PDE3B: variants seen among roughly 807,000 people sequenced by gnomAD.
The protein encoded by PDE3B is cGMP-inhibited 3',5'-cyclic phosphodiesterase 3B.
PDE3B carries 66 observed loss-of-function variants against 116.8 expected under a neutral mutation model. The observed-to-expected ratio is 0.56, with a 90% CI of 0.46 to 0.69. PDE3B has a LOEUF of 0.69. Among genes scored for constraint, PDE3B ranks in the 30% least tolerant of loss-of-function variants. The pLI is 0.00. For missense variants in PDE3B, 1,384 were observed against 1,368.1 expected (o/e 1.01, Z -0.18); for synonymous variants, 595 against 533.6 (o/e 1.12, Z -1.59).
chr11:14,828,431 G>A (rs1255197015), intron 7 of PDE3B, among the ~76,000 whole-genome samples: 1 of 152,084 alleles, frequency 6.6e-6, no homozygotes, highest in Non-Finnish European at 1.5e-5. Context: ...TCTGATAAAG[G>A]CCTAATATCC....
chr11:14,877,630 A>G, the PDE3B span: 1 of 152,376 alleles, frequency 6.6e-6, no homozygotes, highest in South Asian at 2.1e-4. Context: ...ACCATCTCCC[A>G]CCATATCTAA....
rs148970728 is a variant in PDE3B at position 14,746,123 on chromosome 11, C to T, written c.979-25814C>T. 1.7e-3 allele frequency among the ~76,000 whole-genome samples: 264 copies of T among 152,310 alleles called. 1 individual carries two copies. Among genetic ancestry groups the T allele is most frequent in the Middle Eastern group, 3.4e-3 (1 of 294 alleles). Reference sequence around the variant, plus strand: ...AGAGCCTGTCTTGGCCAGGTGCCACCGCACTCATGCCTGTAATCCCCTCAC... The same window carrying T: ...AGAGCCTGTCTTGGCCAGGTGCCACTGCACTCATGCCTGTAATCCCCTCAC... On this transcript the variant is annotated intron_variant, in intron 1 of 15. Coordinates refer to ENST00000282096, the MANE Select transcript of PDE3B (RefSeq NM_000922.4).
chr11:14,666,853 G>A (rs371618995), intron 1 of PDE3B, among the ~76,000 whole-genome samples: 53 of 152,210 alleles, frequency 3.5e-4, no homozygotes, highest in South Asian at 6.2e-4. Context: ...AAACTAGTTC[G>A]ACCATTGTGG....
At chr11:14,705,761 A>G (rs1855512968) in intron 1 of PDE3B, among the ~76,000 whole-genome samples, 1 of 151,796 alleles carries the variant, frequency 6.6e-6, no homozygotes, top group Admixed American at 6.6e-5. Context: ...GGTATTTACT[A>G]TGGAGGAAGT....
intron 1 of PDE3B, among the ~76,000 whole-genome samples, chr11:14,675,654 C>T (rs1854511193): frequency 6.6e-6 from 1 of 152,094 alleles, no homozygotes; most frequent in Admixed American, 6.6e-5. Context: ...ACTTCATATA[C>T]TGTCCTGTAA....
the PDE3B span, chr11:14,879,559 A>G: frequency 4.5e-5 from 32 of 703,654 alleles, no homozygotes; most frequent in Admixed American, 4.8e-4. Flanking sequence ...ATATAGATAC[A>G]TCCAGATTCA....
At chr11:14,773,566 A>G (rs1382654135) in intron 2 of PDE3B, 1 of 152,090 alleles carries the variant, frequency 6.6e-6, no homozygotes, top group East Asian at 1.9e-4. Context: ...TCCTCCTTTA[A>G]TGTTTGGAAG....
chr11:14,666,841 G>C (rs1854169482), intron 1 of PDE3B, among the ~76,000 whole-genome samples: 1 of 152,330 alleles, frequency 6.6e-6, no homozygotes, highest in Admixed American at 6.5e-5. Context: ...TGGTGGGACT[G>C]TAAACTAGTT....
At position 14,819,199 on chromosome 11, in the gene PDE3B, T is replaced by A. The variant is rs1272263840; in HGVS notation, c.1797T>A (p.Ser599Arg). 6.3e-7 allele frequency: 1 copy of A among 1,586,114 alleles called. No individual in the cohort carries two copies. The highest frequency in any genetic ancestry group is 8.6e-7 in the Non-Finnish European group (1 of 1,160,468). ...TSESDGTDCCSGKSGEEENIF... is the reference protein window; with the variant it reads ...TSESDGTDCCRGKSGEEENIF... Reference sequence around the variant, plus strand: ...AATCAGATGGTACAGATTGCTGCAGTGGAAAATCAGGTGAGATTACAAAAG... The same window carrying A: ...AATCAGATGGTACAGATTGCTGCAGAGGAAAATCAGGTGAGATTACAAAAG... The change falls in exon 7 of 16, where the codon AGT (serine) becomes AGA (arginine). Residue 599 changes from serine (S) to arginine (R), a missense_variant. Ser to Arg is a moderately radical substitution (Grantham distance 110). Transcript: ENST00000282096.
intron 1 of PDE3B, among the ~76,000 whole-genome samples, chr11:14,668,241 T>C (rs1175431235): frequency 6.6e-6 from 1 of 152,154 alleles, no homozygotes; most frequent in African/African-American, 2.4e-5. Context: ...ATTTAATTGG[T>C]ACTTAGAGCC....
At chr11:14,818,507 T>G in intron 6 of PDE3B, 114 bp downstream of exon 6, 2 of 649,404 alleles carry the variant, frequency 3.1e-6, no homozygotes, top group Non-Finnish European at 5.3e-6. Context: ...GACCATAGTT[T>G]TTTTCGGTGT....
chr11:14,680,696 T>A (rs1425575299), intron 1 of PDE3B, among the ~76,000 whole-genome samples: 2 of 152,182 alleles, frequency 1.3e-5, no homozygotes, highest in Admixed American at 6.5e-5. Flanking sequence ...GTCTAAGTAC[T>A]TTTCAAGTTC....
chr11:14,880,857 G>C, the PDE3B span: 1 of 1,242,992 alleles, frequency 8.0e-7, no homozygotes, highest in Admixed American at 2.5e-5. Context: ...TGGATGGTTA[G>C]TCATCCTTCT....
intron 1 of PDE3B, among the ~76,000 whole-genome samples, chr11:14,715,140 T>C (rs945929075): frequency 9.9e-5 from 15 of 152,160 alleles, no homozygotes; most frequent in African/African-American, 3.4e-4. Context: ...AAAAGAGCCA[T>C]GTAACAAATG....
chr11:14,726,395 A>C (rs1370676737), intron 1 of PDE3B, among the ~76,000 whole-genome samples: 1 of 152,182 alleles, frequency 6.6e-6, no homozygotes, highest in African/African-American at 2.4e-5. Context: ...TGGGTTCCAT[A>C]AACATTTTTT....
chr11:14,788,020 A>C (rs1858263999), intron 3 of PDE3B, among the ~76,000 whole-genome samples: 1 of 151,908 alleles, frequency 6.6e-6, no homozygotes, highest in Non-Finnish European at 1.5e-5. Flanking sequence ...AGGATGCCTA[A>C]ATGCCTCATT....
chr11:14,708,248 A>G (rs927364919), intron 1 of PDE3B, among the ~76,000 whole-genome samples: 1 of 151,932 alleles, frequency 6.6e-6, no homozygotes, highest in South Asian at 2.1e-4. Flanking sequence ...CATGTGGTCT[A>G]TGCACACTGG....
chr11:14,740,010 T>A (rs2133864056), intron 1 of PDE3B, among the ~76,000 whole-genome samples: 1 of 152,312 alleles, frequency 6.6e-6, no homozygotes, highest in East Asian at 1.9e-4. Flanking sequence ...TTTGCCAGTA[T>A]TTTATTGAGA....
At chr11:14,819,722 A>C (rs1015001056) in intron 7 of PDE3B, among the ~76,000 whole-genome samples, 1 of 152,186 alleles carries the variant, frequency 6.6e-6, no homozygotes, top group Non-Finnish European at 1.5e-5. Context: ...GAGGGCAGCT[A>C]GAAAAGGTGG....
Sources: gnomAD v4.1 joint callset for allele counts (sites outside exome capture counted in the v4.1 genomes callset) on GRCh38, gnomAD v4.1.1 for gene constraint, MANE v1.5 for transcripts, NCBI Gene and HGNC (gene_info 2026-07-23, HGNC 2026-07-21) for gene names.